The following DNM3 variants were observed in gnomAD, a reference collection of about 807,000 sequenced individuals.
DNM3 encodes dynamin-3.
A neutral mutation model predicts 101.6 loss-of-function variants in DNM3; 47 were observed. The ratio of observed to expected loss-of-function variants is 0.46; its 90% CI spans 0.37 to 0.59. The LOEUF is 0.59. DNM3 is among the 20% of genes least tolerant of loss of function. The pLI is 0.00. For missense variants in DNM3, 849 were observed against 1,085.7 expected (o/e 0.78, Z 3.06); for synonymous variants, 385 against 387.9 (o/e 0.99, Z 0.09).
At chr1:172,095,627 T>G (rs1424200170) in intron 13 of DNM3, among the ~76,000 whole-genome samples, 4 of 152,104 alleles carry the variant, frequency 2.6e-5, no homozygotes, top group Non-Finnish European at 5.9e-5. Context: ...TGATGCTGGC[T>G]TTTCTGGTTG....
chr1:171,930,002 T>C (rs2040873660), intron 2 of DNM3, among the ~76,000 whole-genome samples: 1 of 151,962 alleles, frequency 6.6e-6, no homozygotes, highest in Non-Finnish European at 1.5e-5. Context: ...GTTTCAAATC[T>C]CTGTGGGCTG....
At chr1:172,415,873 G>T (rs2071412087), downstream of DNM3, among the ~76,000 whole-genome samples, 1 of 152,090 alleles carries the variant, frequency 6.6e-6, no homozygotes, top group Non-Finnish European at 1.5e-5. Flanking sequence ...CTATAAGGAA[G>T]ACCTCCTCAG....
chr1:172,014,852 A>G (rs979456236), intron 4 of DNM3, among the ~76,000 whole-genome samples: 1 of 151,910 alleles, frequency 6.6e-6, no homozygotes, highest in South Asian at 2.1e-4. Context: ...TTGTGTCTAG[A>G]AAGTTATTGC....
intron 1 of DNM3, among the ~76,000 whole-genome samples, chr1:171,894,485 A>G (rs1272103483): frequency 6.6e-6 from 1 of 150,470 alleles, no homozygotes; most frequent in Non-Finnish European, 1.5e-5. Flanking sequence ...GCTCACTGCA[A>G]CCTCCACTTC....
chr1:172,177,717 T>C (rs2059203615), intron 14 of DNM3, among the ~76,000 whole-genome samples: 1 of 151,824 alleles, frequency 6.6e-6, no homozygotes, highest in South Asian at 2.1e-4. Context: ...TATAAAGCAC[T>C]TTGGCTCTGA....
chr1:172,370,433 T>G (rs1284960373), intron 17 of DNM3: 1 of 152,026 alleles, frequency 6.6e-6, no homozygotes, highest in Non-Finnish European at 1.5e-5. Flanking sequence ...AGATGCTATA[T>G]AAAGAAGATG....
intron 13 of DNM3, among the ~76,000 whole-genome samples, chr1:172,100,773 T>G (rs2054583301): frequency 1.3e-5 from 2 of 152,190 alleles, no homozygotes. Context: ...AGTGTCACCA[T>G]GAACTAGTTT....
At chr1:172,314,157 C>T (rs186377804) in intron 16 of DNM3, among the ~76,000 whole-genome samples, 7 of 152,108 alleles carry the variant, frequency 4.6e-5, no homozygotes, top group Admixed American at 2.6e-4. Flanking sequence ...CACATGCACA[C>T]GTATGTTTAT....
intron 17 of DNM3, among the ~76,000 whole-genome samples, chr1:172,341,975 C>A (rs1012994247): frequency 1.3e-5 from 2 of 152,046 alleles, no homozygotes; most frequent in African/African-American, 4.8e-5. Context: ...AAAGAAGATA[C>A]ATCCAGCCAA....
In DNM3 at chr1:172,197,879, G is replaced by A. The variant is rs533796441; in HGVS notation, c.1660-55694G>A. 1.4e-4 allele frequency among the ~76,000 whole-genome samples: 21 copies of A among 151,768 alleles called. No individual in the cohort carries two copies. The East Asian group carries it at 2.9e-3, about 21-fold the overall frequency. ...AATAGAGACAGTTTGATTTCCCCTC[G>A]TTGTATTTGGATGCGCTTTTTTCTT... is the stretch of plus-strand genomic sequence containing the variant. On this transcript the variant is annotated intron_variant, in intron 14 of 20. Coordinates refer to ENST00000627582, the MANE Select transcript of DNM3 (RefSeq NM_015569.5).
chr1:172,141,780 G>C (rs1466866478), intron 14 of DNM3, among the ~76,000 whole-genome samples: 1 of 152,076 alleles, frequency 6.6e-6, no homozygotes, highest in Non-Finnish European at 1.5e-5. Context: ...AGGATATTAA[G>C]CCTATTGACT....
chr1:171,906,601 A>G (rs1454967191), intron 1 of DNM3, among the ~76,000 whole-genome samples: 1 of 152,172 alleles, frequency 6.6e-6, no homozygotes, highest in African/African-American at 2.4e-5. Context: ...TTTGTTTTTT[A>G]ATGAAAATGC....
intron 1 of DNM3, among the ~76,000 whole-genome samples, chr1:171,904,728 T>C (rs967397433): frequency 6.6e-6 from 1 of 152,046 alleles, no homozygotes; most frequent in East Asian, 1.9e-4. Context: ...TTATGGTAGG[T>C]ATGGCTATGT....
chr1:172,008,745 G>A (rs952739901), intron 4 of DNM3, among the ~76,000 whole-genome samples: 4 of 143,864 alleles, frequency 2.8e-5, no homozygotes, highest in South Asian at 4.2e-4. Flanking sequence ...GTATGTTTAC[G>A]TATGTGTATG....
Position 171,919,937 on chromosome 1 carries a change from T to C in DNM3, c.162-1811T>C, listed in dbSNP as rs201975755. On this transcript the variant is annotated intron_variant, in intron 1 of 20. Coordinates refer to ENST00000627582, the MANE Select transcript of DNM3 (RefSeq NM_015569.5). ...TCCCTAGCACTTCTTAATTTCTCAG[T>C]GAATTTTTTTTGATGAATAAATAAT... is the stretch of plus-strand genomic sequence containing the variant. Among the ~76,000 whole-genome samples, 12 of 151,990 alleles carry C rather than the reference T, an allele frequency of 7.9e-5. No individual in the cohort carries two copies. The East Asian group carries it at 2.3e-3, about 29-fold the overall frequency.
intron 14 of DNM3, among the ~76,000 whole-genome samples, chr1:172,220,954 T>C (rs560654574): frequency 9.6e-4 from 146 of 152,286 alleles, no homozygotes; most frequent in Non-Finnish European, 1.8e-3. Flanking sequence ...CTTATAACAT[T>C]AGAAAGAACT....
Position 172,186,652 on chromosome 1 carries a change from A to G in DNM3, c.1659+55364A>G, listed in dbSNP as rs572047022. ...TTCTTCAAGGGACTTCTCACCCTCTATTGATGGTCAGCCCCCTCTCACTGA... is the reference window on the plus strand; with the variant it reads ...TTCTTCAAGGGACTTCTCACCCTCTGTTGATGGTCAGCCCCCTCTCACTGA... On this transcript the variant is annotated intron_variant, in intron 14 of 20. Transcript: ENST00000627582. 5.3e-5 allele frequency among the ~76,000 whole-genome samples: 8 copies of G among 152,188 alleles called. No homozygotes were observed. In the East Asian group the frequency reaches 9.7e-4, roughly 19 times the overall value.
At chr1:172,246,477 G>GA (rs907260687) in intron 14 of DNM3, among the ~76,000 whole-genome samples, 1 of 151,980 alleles carries the variant, frequency 6.6e-6, no homozygotes, top group African/African-American at 2.4e-5. Context: ...AATACTTTTA[G>GA]AAAAAAATGT....
intron 14 of DNM3, among the ~76,000 whole-genome samples, chr1:172,205,991 C>T (rs958581300): frequency 1.7e-4 from 26 of 152,220 alleles, no homozygotes; most frequent in African/African-American, 6.0e-4. Context: ...TCATTTGAAG[C>T]ATATTGGTTC....
Sources: allele counts gnomAD v4.1 joint callset (sites outside exome capture counted in the v4.1 genomes callset), GRCh38; gene constraint gnomAD v4.1.1; transcripts MANE v1.5; gene names NCBI Gene and HGNC (gene_info 2026-07-23, HGNC 2026-07-21).